The following PITPNC1 variants were observed in gnomAD, a reference collection of about 807,000 sequenced individuals.
PITPNC1 encodes the protein phosphatidylinositol transfer protein cytoplasmic 1.
Under a neutral mutation model 44.7 loss-of-function variants are expected in PITPNC1, and 18 were observed. The ratio of observed to expected loss-of-function variants is 0.40; its 90% CI spans 0.28 to 0.60. PITPNC1 has a LOEUF of 0.60. Ranked by LOEUF, PITPNC1 falls within the 20% of genes least tolerant of loss-of-function variation. PITPNC1 has a pLI of 0.39. For missense variants in PITPNC1, 290 were observed against 418.4 expected, an observed-to-expected ratio of 0.69 and a Z score of 2.68; for synonymous variants, 141 against 149.6, an observed-to-expected ratio of 0.94 and a Z score of 0.42.
chr17:67,590,876 C>A (rs1333230507), intron 5 of PITPNC1, among the ~76,000 whole-genome samples: 1 of 151,762 alleles, frequency 6.6e-6, no homozygotes, highest in Non-Finnish European at 1.5e-5. Context: ...TCACTTGAAC[C>A]TGGGAGATGG....
At chr17:67,580,602 A>G (rs1464035091) in intron 5 of PITPNC1, among the ~76,000 whole-genome samples, 8 of 152,114 alleles carry the variant, frequency 5.3e-5, no homozygotes, top group African/African-American at 1.9e-4. Context: ...TGGCCTCCCA[A>G]AGTGCTGGGA....
intron 8 of PITPNC1, among the ~76,000 whole-genome samples, chr17:67,688,178 A>C (rs948761419): frequency 4.0e-5 from 6 of 151,608 alleles, no homozygotes; most frequent in African/African-American, 1.5e-4. Flanking sequence ...GTCTCTACTT[A>C]AAATACAAAA....
At chr17:67,529,952 C>T (rs1340832473) in intron 1 of PITPNC1, among the ~76,000 whole-genome samples, 1 of 151,650 alleles carries the variant, frequency 6.6e-6, no homozygotes, top group Non-Finnish European at 1.5e-5. Context: ...TGTCTCAAAA[C>T]AAACAAACAA....
chr17:67,647,506 T>C (rs2042166251), intron 6 of PITPNC1, among the ~76,000 whole-genome samples: 1 of 93,886 alleles, frequency 1.1e-5, no homozygotes, highest in African/African-American at 3.6e-5. Flanking sequence ...AGAGACGGGG[T>C]TTCACCATGT....
chr17:67,474,479 G>A (rs958216152), intron 1 of PITPNC1, among the ~76,000 whole-genome samples: 2 of 151,942 alleles, frequency 1.3e-5, no homozygotes, highest in South Asian at 2.1e-4. Flanking sequence ...AGGCTGTGTC[G>A]CAGCATCCCT....
chr17:67,482,617 G>A (rs2039719572), intron 1 of PITPNC1, among the ~76,000 whole-genome samples: 3 of 152,094 alleles, frequency 2.0e-5, no homozygotes, highest in Admixed American at 2.0e-4. Context: ...ATCCACATTT[G>A]GTATTTCCCT....
At chr17:67,543,030 G>A (rs7223728) in intron 2 of PITPNC1, among the ~76,000 whole-genome samples, 14,778 of 152,158 alleles carry the variant, frequency 0.097, 712 homozygotes, top group South Asian at 0.11. Flanking sequence ...AAAAGGAGGC[G>A]TGAGGCTTTA....
chr17:67,594,404 C>T (rs1243978220), intron 5 of PITPNC1, among the ~76,000 whole-genome samples: 3 of 152,162 alleles, frequency 2.0e-5, no homozygotes, highest in African/African-American at 4.8e-5. Flanking sequence ...CAAGTTCTCA[C>T]GTTTCTGAAG....
intron 8 of PITPNC1, among the ~76,000 whole-genome samples, chr17:67,685,493 AAG>A (rs2144455987): frequency 6.6e-6 from 1 of 152,362 alleles, no homozygotes; most frequent in East Asian, 1.9e-4. Context: ...TTGATATAAA[AAG>A]ACACCAAACC....
At chr17:67,440,811 G>C (rs1006992934) in intron 1 of PITPNC1, among the ~76,000 whole-genome samples, 5 of 152,062 alleles carry the variant, frequency 3.3e-5, no homozygotes, top group Admixed American at 3.3e-4. Flanking sequence ...GCCTCCCAAA[G>C]TGCTAGGATT....
chr17:67,523,492 AG>A (rs1219452636), intron 1 of PITPNC1, among the ~76,000 whole-genome samples: 2 of 86,868 alleles, frequency 2.3e-5, no homozygotes, highest in East Asian at 7.4e-4. Context: ...TTAATTTTTA[AG>A]TTTTTTTTTT....
At chr17:67,399,214 T>C (rs1337756106) in intron 1 of PITPNC1, among the ~76,000 whole-genome samples, 1 of 151,908 alleles carries the variant, frequency 6.6e-6, no homozygotes, top group African/African-American at 2.4e-5. Flanking sequence ...GGGGTTTCAC[T>C]GTGTTAGCCA....
chr17:67,382,154 T>G (rs2037970578), intron 1 of PITPNC1, among the ~76,000 whole-genome samples: 1 of 152,202 alleles, frequency 6.6e-6, no homozygotes, highest in Non-Finnish European at 1.5e-5. Flanking sequence ...AAGTCAGCAC[T>G]ATCAAGTAAA....
chr17:67,587,744 G>T (rs748644217), intron 5 of PITPNC1, among the ~76,000 whole-genome samples: 1 of 152,144 alleles, frequency 6.6e-6, no homozygotes, highest in Non-Finnish European at 1.5e-5. Flanking sequence ...GGAAATAAAC[G>T]ATCTCATTAA....
intron 1 of PITPNC1, among the ~76,000 whole-genome samples, chr17:67,412,533 TCTG>T (rs1450239677): frequency 3.9e-5 from 6 of 152,178 alleles, no homozygotes; most frequent in Admixed American, 3.9e-4. Context: ...CATGACAAGA[TCTG>T]CTGTTTCATC....
chr17:67,578,876 G>A (rs1363944180), intron 5 of PITPNC1, among the ~76,000 whole-genome samples: 2 of 152,210 alleles, frequency 1.3e-5, no homozygotes, highest in Non-Finnish European at 2.9e-5. Context: ...CAGCTACTTG[G>A]GAGGCTGAGG....
intron 1 of PITPNC1, among the ~76,000 whole-genome samples, chr17:67,523,304 T>C (rs187302480): frequency 1.3e-3 from 192 of 152,324 alleles, no homozygotes; most frequent in Non-Finnish European, 3.4e-4. Flanking sequence ...TCCTTTGGTT[T>C]TGGCATTGTA....
chr17:67,432,504 AAAAT>A, intron 1 of PITPNC1, among the ~76,000 whole-genome samples: 1 of 152,338 alleles, frequency 6.6e-6, no homozygotes, highest in African/African-American at 2.4e-5. Flanking sequence ...ACTCCGTCTC[AAAAT>A]AAATAAATAC....
intron 4 of PITPNC1, among the ~76,000 whole-genome samples, chr17:67,570,088 A>C (rs2041032659): frequency 6.6e-6 from 1 of 152,046 alleles, no homozygotes; most frequent in Non-Finnish European, 1.5e-5. Flanking sequence ...AGGGTTCCCA[A>C]CTTCTGTTTT....
Sources: allele counts gnomAD v4.1 joint callset (sites outside exome capture counted in the v4.1 genomes callset), GRCh38; gene constraint gnomAD v4.1.1; transcripts MANE v1.5; gene names NCBI Gene and HGNC (gene_info 2026-07-23, HGNC 2026-07-21).